COPZ2: variants seen among roughly 807,000 people sequenced by gnomAD.
COPZ2 encodes the protein coat protein complex I subunit zeta 2.
A neutral mutation model predicts 33.2 loss-of-function variants in COPZ2; 30 were observed. The observed-to-expected ratio is 0.90, with a 90% CI of 0.68 to 1.23. The LOEUF (loss-of-function observed/expected upper bound fraction) is 1.23. COPZ2 is among the 50% of genes most tolerant of loss of function. The pLI is 0.00. For missense variants in COPZ2, 263 were observed against 262.4 expected, an observed-to-expected ratio of 1.00 and a Z score of -0.02; for synonymous variants, 89 against 102.6, an observed-to-expected ratio of 0.87 and a Z score of 0.80.
the COPZ2 span, chr17:48,046,203 T>C: frequency 6.6e-6 from 1 of 152,260 alleles, no homozygotes; most frequent in South Asian, 2.1e-4. Context: ...GACTGAAAAT[T>C]GTTCTGTATT....
intron 6 of COPZ2, among the ~76,000 whole-genome samples, chr17:48,030,696 C>G (rs867013130): frequency 2.0e-5 from 3 of 152,344 alleles, no homozygotes; most frequent in African/African-American, 4.8e-5. Flanking sequence ...GCGTTGCCTC[C>G]CGACTGGCGC....
chr17:48,034,692 T>C (rs12945362), intron 2 of COPZ2, among the ~76,000 whole-genome samples: 3,089 of 152,134 alleles, frequency 0.02, 108 homozygotes, highest in African/African-American at 0.07. Flanking sequence ...CATCAAGAAG[T>C]CAGGTAATGG....
In COPZ2 at chr17:48,037,487, G is replaced by A. The variant is rs1292075646; in HGVS notation, c.111+180C>T. On this transcript the variant is annotated intron_variant, in intron 1 of 8. Transcript: ENST00000621465. This position sits in a 1 kb window ranked among gnomAD's most constrained non-coding sequence, Gnocchi z 5.6. ...CCCCGCGCCGACGGACTCAGGACAGGCCTCCTCTCCGGTCGGCGCTGGGAC... is the reference window on the plus strand; with the variant it reads ...CCCCGCGCCGACGGACTCAGGACAGACCTCCTCTCCGGTCGGCGCTGGGAC... Among the ~76,000 whole-genome samples the A allele has an allele frequency of 6.6e-6, 1 of 152,182 alleles. No individual in the cohort carries two copies. The highest frequency in any genetic ancestry group is 1.5e-5 in the Non-Finnish European group (1 of 68,010).
rs1567738539 is a variant in COPZ2, at chr17:48,026,613, A to C, written c.586-138T>G. On this transcript the variant is annotated intron_variant, in intron 8 of 8. Coordinates refer to ENST00000621465, the MANE Select transcript of COPZ2 (RefSeq NM_016429.4). ...CACTAGGTGGCAGCAGCTTGTCTCC[A>C]CTTGGCTTAAACGCGGCCAACCCTC... is the stretch of plus-strand genomic sequence containing the variant. 3 of 649,094 alleles carry C rather than the reference A, an allele frequency of 4.6e-6. No homozygotes were observed. The East Asian group carries it at 8.1e-5, about 18-fold the overall frequency. 40.2% of individuals were successfully genotyped at this position (649,094 alleles called of 1,614,324 possible).
chr17:48,039,065 C>T (rs572280524), upstream of COPZ2, among the ~76,000 whole-genome samples: 1 of 152,242 alleles, frequency 6.6e-6, no homozygotes, highest in East Asian at 1.9e-4. Context: ...GCCTCAACCT[C>T]CTGGGCTCAG....
chr17:48,042,497 T>G (rs917240995), upstream of COPZ2, among the ~76,000 whole-genome samples: 2 of 151,632 alleles, frequency 1.3e-5, no homozygotes, highest in Non-Finnish European at 2.9e-5. Flanking sequence ...AGTCTCACTC[T>G]GTCGCCCAGG....
At chr17:48,043,796 G>A in the COPZ2 span, among the ~76,000 whole-genome samples, 1 of 152,156 alleles carries the variant, frequency 6.6e-6, no homozygotes, top group African/African-American at 2.4e-5. Flanking sequence ...AAGAAACAGA[G>A]CCAGATTTTC....
At position 48,027,483 on chromosome 17, in the gene COPZ2, C is replaced by T. The variant is rs187482261; in HGVS notation, c.585+989G>A. The stretch of plus-strand genomic sequence containing the variant: ...CAGCTTTAGGTGGTAAGGTAGAACA[C>T]GTACCCTGGGATGACTCCCATGAGC... On this transcript the variant is annotated intron_variant, in intron 8 of 8. Coordinates refer to ENST00000621465, the MANE Select transcript of COPZ2 (RefSeq NM_016429.4). Among the ~76,000 whole-genome samples the T allele has an allele frequency of 4.6e-5, 7 of 152,280 alleles. No individual in the cohort carries two copies. The East Asian group carries it at 1.2e-3, about 25-fold the overall frequency.
In COPZ2 at chr17:48,028,498, C is replaced by T. The variant is rs375098021; in HGVS notation, c.559G>A (p.Gly187Ser). ...QKVNFRADDG[G>S]LTEQSVAQVL... ...TGGGCCACACTCTGTTCAGTCAAGCCGCCATCATCTGCCTGTAAGGAAGCA... is the reference window on the plus strand; with the variant it reads ...TGGGCCACACTCTGTTCAGTCAAGCTGCCATCATCTGCCTGTAAGGAAGCA... Residue 187 changes from glycine (G) to serine (S), a missense_variant, in exon 8 of 9, where the codon GGC becomes AGC. Coordinates refer to ENST00000621465, the MANE Select transcript of COPZ2 (RefSeq NM_016429.4). This position sits in a 1 kb window ranked among gnomAD's most constrained non-coding sequence, Gnocchi z 4.5. The T allele has an allele frequency of 1.1e-5, 17 of 1,608,686 alleles. No homozygotes were observed. Among genetic ancestry groups the T allele is most frequent in the Admixed American group, 5.1e-5 (3 of 59,246 alleles).
chr17:48,039,545 T>C (rs1198204285), upstream of COPZ2, among the ~76,000 whole-genome samples: 1 of 151,168 alleles, frequency 6.6e-6, no homozygotes, highest in Non-Finnish European at 1.5e-5. Flanking sequence ...AGGGTGATCA[T>C]GATCAAGGTC....
In COPZ2 at chr17:48,033,298, C is replaced by T; in HGVS notation, c.273G>A (p.Glu91=). The T allele has an allele frequency of 6.2e-7, 1 of 1,609,290 alleles. No homozygotes were observed. The highest frequency in any genetic ancestry group is 8.5e-7 in the Non-Finnish European group (1 of 1,176,688). Residue 91 remains glutamate (E), a synonymous_variant, in exon 4 of 9, where the codon GAG becomes GAA. Coordinates refer to ENST00000621465, the MANE Select transcript of COPZ2 (RefSeq NM_016429.4). Reference sequence around the variant, plus strand: ...TGGTCATACCCCCAAAAAATGCAATCTCACCTAGAAGTGGAGGGAGCTTTC... The same window carrying T: ...TGGTCATACCCCCAAAAAATGCAATTTCACCTAGAAGTGGAGGGAGCTTTC... ...VFNKTSRTES[E]IAFFGGMTIV...
intron 8 of COPZ2, among the ~76,000 whole-genome samples, chr17:48,026,798 G>A (rs1003924781): frequency 1.3e-5 from 2 of 152,254 alleles, no homozygotes; most frequent in African/African-American, 4.8e-5. Flanking sequence ...CCACGTCCAG[G>A]CGGAGACGGG....
chr17:48,028,385 C>T lies in COPZ2; in HGVS notation c.585+87G>A. On this transcript the variant is annotated intron_variant, in intron 8 of 8. Coordinates refer to ENST00000621465, the MANE Select transcript of COPZ2 (RefSeq NM_016429.4). This position sits in a 1 kb window ranked among gnomAD's most constrained non-coding sequence, Gnocchi z 4.5. ...TGATTTTTCAGACTTGATAACTTCACTGGGTCCCCCTAGGATGCTCTAGGA... is the reference window on the plus strand; with the variant it reads ...TGATTTTTCAGACTTGATAACTTCATTGGGTCCCCCTAGGATGCTCTAGGA... The T allele has an allele frequency of 1.5e-6, 2 of 1,335,204 alleles. No individual in the cohort carries two copies. The highest frequency in any genetic ancestry group is 2.0e-6 in the Non-Finnish European group (2 of 977,356). 82.7% of individuals were successfully genotyped at this position (1,335,204 alleles called of 1,614,324 possible).
chr17:48,043,831 T>C, the COPZ2 span, among the ~76,000 whole-genome samples: 1 of 152,146 alleles, frequency 6.6e-6, no homozygotes, highest in East Asian at 1.9e-4. Flanking sequence ...GTCCAAAACA[T>C]CCACTCCTCC....
At chr17:48,043,147 T>C in the COPZ2 span, among the ~76,000 whole-genome samples, 33 of 152,342 alleles carry the variant, frequency 2.2e-4, no homozygotes, top group South Asian at 3.9e-3. Flanking sequence ...CATGTTTCTC[T>C]GCCCTCTACT....
Position 48,029,143 on chromosome 17 carries a change from G to T in COPZ2, c.528C>A (p.Ile176=). ...VILESDPQQV[I]QKVNFRADDG... ...CTCTTACCCTAAAATTCACCTTCTG[G>T]ATCACTTGCTGGGGGTCACTCTCCA... The change falls in exon 7 of 9, where the codon ATC becomes ATA. Residue 176 remains isoleucine, a synonymous_variant. Coordinates refer to ENST00000621465, the MANE Select transcript of COPZ2 (RefSeq NM_016429.4). 6.3e-7 allele frequency: 1 copy of T among 1,579,078 alleles called. No individual in the cohort carries two copies. Among genetic ancestry groups the T allele is most frequent in the Non-Finnish European group, 8.6e-7 (1 of 1,162,296 alleles).
the COPZ2 span, chr17:48,043,688 C>T: frequency 3.2e-6 from 1 of 308,632 alleles, no homozygotes; most frequent in African/African-American, 2.3e-5. Context: ...CTCAGCTCTT[C>T]CTCCAGGCAT....
chr17:48,040,578 G>T (rs2037052168), upstream of COPZ2, among the ~76,000 whole-genome samples: 1 of 151,352 alleles, frequency 6.6e-6, no homozygotes, highest in Admixed American at 6.6e-5. Context: ...GACTACAGGT[G>T]CACACCACCA....
At chr17:48,047,731 G>A in the COPZ2 span, 1 of 152,232 alleles carries the variant, frequency 6.6e-6, no homozygotes, top group South Asian at 2.1e-4. Context: ...TGGGCCATGA[G>A]GCGCAACCGT....
Sources: allele counts gnomAD v4.1 joint callset (sites outside exome capture counted in the v4.1 genomes callset), GRCh38; gene constraint gnomAD v4.1.1; non-coding constraint Gnocchi (gnomAD v3.1); transcripts MANE v1.5; gene names NCBI Gene and HGNC (gene_info 2026-07-23, HGNC 2026-07-21).